The following MCTP1 variants were observed in gnomAD, a reference collection of about 807,000 sequenced individuals.
The protein encoded by MCTP1 is multiple C2 and transmembrane domain-containing protein 1.
A neutral mutation model predicts 120.6 loss-of-function variants in MCTP1; 69 were observed. That is an observed-to-expected ratio of 0.57 (90% CI 0.47 to 0.70). The LOEUF (loss-of-function observed/expected upper bound fraction) is 0.70. MCTP1 is among the 30% of genes least tolerant of loss of function. The pLI, the probability that MCTP1 is intolerant of heterozygous loss-of-function variation, is 0.00. For missense variants in MCTP1, 1,203 were observed against 1,248.8 expected, an observed-to-expected ratio of 0.96 and a Z score of 0.55; for synonymous variants, 529 against 493.1, an observed-to-expected ratio of 1.07 and a Z score of -0.96.
intron 1 of MCTP1, among the ~76,000 whole-genome samples, chr5:95,151,130 C>CATATATATATATATATAT (rs3037035): frequency 1.7e-3 from 215 of 125,910 alleles, no homozygotes; most frequent in Middle Eastern, 0.016. Context: ...ACGCCTGGCT[C>CATATATATATATATATAT]ATATATATAT....
chr5:95,101,648 T>TG (rs1388149853), intron 1 of MCTP1, among the ~76,000 whole-genome samples: 2 of 152,206 alleles, frequency 1.3e-5, no homozygotes, highest in Non-Finnish European at 2.9e-5. Context: ...CATGTTCACC[T>TG]GGCAGACAGA....
intron 1 of MCTP1, among the ~76,000 whole-genome samples, chr5:95,251,649 CTG>C (rs953221277): frequency 1.3e-5 from 2 of 152,048 alleles, no homozygotes; most frequent in African/African-American, 4.8e-5. Flanking sequence ...TGGGAATACA[CTG>C]TAGTTGAGAA....
intron 17 of MCTP1, among the ~76,000 whole-genome samples, chr5:94,806,043 G>A (rs1208911847): frequency 6.6e-6 from 1 of 151,626 alleles, no homozygotes; most frequent in Non-Finnish European, 1.5e-5. Context: ...AGGTGTTCTG[G>A]TAGAGGTTTG....
At chr5:95,034,243 C>A (rs930551571) in intron 1 of MCTP1, among the ~76,000 whole-genome samples, 19 of 151,646 alleles carry the variant, frequency 1.3e-4, no homozygotes, top group Admixed American at 1.2e-3. Context: ...TATATGGAAC[C>A]AAAAAAGAGC....
At chr5:95,259,018 C>T (rs974406555) in intron 1 of MCTP1, among the ~76,000 whole-genome samples, 2 of 152,296 alleles carry the variant, frequency 1.3e-5, no homozygotes, top group African/African-American at 4.8e-5. Context: ...TGTTCTCCTC[C>T]ATTTTTGTTA....
At chr5:94,857,448 A>C (rs1454732833) in intron 17 of MCTP1, among the ~76,000 whole-genome samples, 4 of 151,678 alleles carry the variant, frequency 2.6e-5, no homozygotes, top group Non-Finnish European at 5.9e-5. Context: ...AGTCTTATTA[A>C]ATATGCCTTC....
chr5:94,891,745 T>A (rs1292119572), intron 11 of MCTP1, among the ~76,000 whole-genome samples: 23 of 130,382 alleles, frequency 1.8e-4, no homozygotes, highest in African/African-American at 6.9e-4. Context: ...TAATAAGAAG[T>A]AAAAATAAAT....
intron 1 of MCTP1, among the ~76,000 whole-genome samples, chr5:95,227,978 T>G (rs1233154102): frequency 1.3e-5 from 2 of 152,118 alleles, no homozygotes; most frequent in African/African-American, 4.8e-5. Flanking sequence ...TTTTATACAT[T>G]AAAATACTTA....
chr5:95,039,598 GA>G (rs1375748564), intron 1 of MCTP1, among the ~76,000 whole-genome samples: 3 of 152,118 alleles, frequency 2.0e-5, no homozygotes, highest in Admixed American at 1.3e-4. Context: ...CACAGGATGA[GA>G]ATTTTATTTA....
In MCTP1 at chr5:95,099,058, T is replaced by G. The variant is rs1165267818; in HGVS notation, c.721-81574A>C. Among the ~76,000 whole-genome samples the G allele has an allele frequency of 3.3e-5, 5 of 150,372 alleles. No individual in the cohort carries two copies. In the East Asian group the frequency reaches 7.8e-4, roughly 24 times the overall value. The stretch of plus-strand genomic sequence containing the variant: ...ATTTAATAAATGGTGCTGGGAAAAC[T>G]GGCTAGCCATATGTAGAAAGCTGAA... On this transcript the variant is annotated intron_variant, in intron 1 of 22. Coordinates refer to ENST00000515393, the MANE Select transcript of MCTP1 (RefSeq NM_024717.7).
At chr5:95,283,797 C>T (rs1253546936) in intron 1 of MCTP1, 59 bp downstream of exon 1, 3 of 1,297,972 alleles carry the variant, frequency 2.3e-6, no homozygotes, top group Admixed American at 4.0e-5. Flanking sequence ...GTGGTGAACG[C>T]CTGAAGAGGG....
intron 2 of MCTP1, among the ~76,000 whole-genome samples, chr5:95,009,056 A>AAGAGAGAGAGAGAGAGAGAGAGAG (rs201724037): frequency 7.7e-6 from 1 of 129,472 alleles, no homozygotes; most frequent in African/African-American, 3.5e-5. Flanking sequence ...GAGAGGGAGA[A>AAGAGAGAGAGAGAGAGAGAGAGAG]AGAGAGAGAG....
intron 1 of MCTP1, among the ~76,000 whole-genome samples, chr5:95,024,673 A>ACACACACG (rs1467185808): frequency 6.6e-6 from 1 of 151,768 alleles, no homozygotes; most frequent in African/African-American, 2.4e-5. Flanking sequence ...ACACACACAC[A>ACACACACG]CACACCCCTA....
chr5:94,779,091 T>C lies in MCTP1; in HGVS notation c.2610+19A>G, dbSNP rs996041927. On this transcript the variant is annotated intron_variant, in intron 19 of 22. Transcript: ENST00000515393. The stretch of plus-strand genomic sequence containing the variant: ...ATTTCCCCATCCCCAGGTACCCAAG[T>C]GCTGGGAAAGATAATTACCTTGTCA... 2 of 1,604,654 alleles carry C rather than the reference T, an allele frequency of 1.2e-6. No individual in the cohort carries two copies. The highest frequency in any genetic ancestry group is 1.3e-5 in the African/African-American group (1 of 74,716).
rs1256199915 is a variant in MCTP1 at position 95,284,358 on chromosome 5, C to A, written c.218G>T (p.Gly73Val). The change falls in exon 1 of 23, where the codon GGT becomes GTT. Residue 73 changes from glycine (G) to valine (V), a missense_variant. Gly to Val is a moderately radical substitution (Grantham distance 109). Coordinates refer to ENST00000515393, the MANE Select transcript of MCTP1 (RefSeq NM_024717.7). The surrounding 1 kb of genome is among the most constrained non-coding windows in gnomAD (Gnocchi z 5.2). ...GAAGCCGCTCCACCTGCTGCCTGCACCACTCCCCCTGGCCGGTGCATTCCC... is the reference window on the plus strand; with the variant it reads ...GAAGCCGCTCCACCTGCTGCCTGCAACACTCCCCCTGGCCGGTGCATTCCC... ...GTGNAPARGS[G>V]AGSRWSGFKK... 1.3e-6 allele frequency: 2 copies of A among 1,596,570 alleles called. No individual in the cohort carries two copies. The highest frequency in any genetic ancestry group is 8.5e-7 in the Non-Finnish European group (1 of 1,179,154).
At chr5:94,929,976 G>A (rs577318641) in intron 6 of MCTP1, among the ~76,000 whole-genome samples, 4 of 152,180 alleles carry the variant, frequency 2.6e-5, no homozygotes, top group East Asian at 1.9e-4. Context: ...TTATGTTAAC[G>A]CTGTACTAAA....
chr5:95,119,728 C>T (rs1183271253), intron 1 of MCTP1, among the ~76,000 whole-genome samples: 1 of 152,094 alleles, frequency 6.6e-6, no homozygotes, highest in Non-Finnish European at 1.5e-5. Flanking sequence ...TCATTAGTGG[C>T]TACTATAAGC....
intron 17 of MCTP1, among the ~76,000 whole-genome samples, chr5:94,805,125 T>A (rs979690531): frequency 6.6e-6 from 1 of 152,240 alleles, no homozygotes; most frequent in Non-Finnish European, 1.5e-5. Context: ...AGCAGTTTCA[T>A]GAATTCTAAT....
At chr5:95,013,712 C>G (rs1259590279) in intron 2 of MCTP1, among the ~76,000 whole-genome samples, 1 of 152,088 alleles carries the variant, frequency 6.6e-6, no homozygotes, top group African/African-American at 2.4e-5. Context: ...TAAAATATTA[C>G]TGCTTATTGG....
Sources: gnomAD v4.1 joint callset for allele counts (sites outside exome capture counted in the v4.1 genomes callset) on GRCh38, gnomAD v4.1.1 for gene constraint, Gnocchi (gnomAD v3.1) non-coding constraint, MANE v1.5 for transcripts, NCBI Gene and HGNC (gene_info 2026-07-23, HGNC 2026-07-21) for gene names.